SLC27A5: variants seen among roughly 807,000 people sequenced by gnomAD.
The protein encoded by SLC27A5 is long-chain fatty acid transport protein 5.
In SLC27A5, 47 loss-of-function variants were observed where a neutral mutation model predicts 63.1. The ratio of observed to expected loss-of-function variants is 0.74; its 90% CI spans 0.59 to 0.95. The LOEUF is 0.95. Ranked by LOEUF, SLC27A5 falls within the 40% of genes least tolerant of loss-of-function variation. The pLI is 0.00. For synonymous variants in SLC27A5, 391 were observed against 403.8 expected, an observed-to-expected ratio of 0.97 and a Z score of 0.38; for missense variants, 940 against 921.0, an observed-to-expected ratio of 1.02 and a Z score of -0.27.
chr19:58,504,800 T>A (rs981865069), intron 3 of SLC27A5, among the ~76,000 whole-genome samples: 29 of 152,014 alleles, frequency 1.9e-4, no homozygotes, highest in African/African-American at 6.8e-4. Flanking sequence ...GGTCAGGAGA[T>A]TGAGACCATC....
At chr19:58,510,993 T>G in intron 1 of SLC27A5, 63 bp from the exon 2 acceptor site, 50 of 1,364,738 alleles carry the variant, frequency 3.7e-5, no homozygotes, top group Non-Finnish European at 4.3e-5. Flanking sequence ...CGAGGCGGGA[T>G]CTGAGACCCA....
rs2053234714 is a variant in SLC27A5, at chr19:58,498,552, A to C, written c.2036T>G (p.Met679Arg). The change falls in exon 10 of 10, where the codon ATG (methionine) becomes AGG (arginine). Residue 679 changes from methionine (M) to arginine (R), a missense_variant. By Grantham distance (91) the Met-to-Arg change is moderately conservative. Transcript: ENST00000263093. ...GGTTCCCTCACACACAGCCTGGTAC[A>C]TTTCTGCCGTCAGGGGCCGGAAGGA... ...AQSFRPLTAE[M>R]YQAVCEGTWR... is the part of the protein sequence containing the mutation. 1.2e-6 allele frequency: 2 copies of C among 1,613,928 alleles called. No individual in the cohort carries two copies. The highest frequency in any genetic ancestry group is 1.7e-6 in the Non-Finnish European group (2 of 1,179,930).
In SLC27A5 at chr19:58,498,829, C is replaced by A. The variant is rs757763999; in HGVS notation, c.1852G>T (p.Ala618Ser). Reference protein sequence around the residue: ...DGEKLYQHVRAWLPAYATPHF... With the variant: ...DGEKLYQHVRSWLPAYATPHF... ...GGGGTAGCGTAGGCAGGGAGCCAAG[C>A]GCGAACGTGCTGGTACAACTTCTCC... Residue 618 changes from alanine (A) to serine (S), a missense_variant, in exon 9 of 10, where the codon GCT becomes TCT. Physicochemically the swap from Ala to Ser is moderately conservative, Grantham distance 99. Coordinates refer to ENST00000263093, the MANE Select transcript of SLC27A5 (RefSeq NM_012254.3). 1.9e-6 allele frequency: 3 copies of A among 1,614,002 alleles called. No homozygotes were observed. The highest frequency in any genetic ancestry group is 1.1e-5 in the South Asian group (1 of 91,072).
chr19:58,498,812 G>A lies in SLC27A5; in HGVS notation c.1869C>T (p.Tyr623=). 1.9e-6 allele frequency: 3 copies of A among 1,614,042 alleles called. No individual in the cohort carries two copies. The highest frequency in any genetic ancestry group is 1.6e-4 in the Middle Eastern group (1 of 6,062). ...YQHVRAWLPA[Y]ATPHFIRIQD... ...GGATGCGGATGAAATGGGGGGTAGCGTAGGCAGGGAGCCAAGCGCGAACGT... is the reference window on the plus strand; with the variant it reads ...GGATGCGGATGAAATGGGGGGTAGCATAGGCAGGGAGCCAAGCGCGAACGT... The change falls in exon 9 of 10, where the codon TAC becomes TAT. Residue 623 remains tyrosine, a synonymous_variant. Coordinates refer to ENST00000263093, the MANE Select transcript of SLC27A5 (RefSeq NM_012254.3).
At chr19:58,507,091 G>A (rs1279153175) in intron 3 of SLC27A5, among the ~76,000 whole-genome samples, 1 of 151,464 alleles carries the variant, frequency 6.6e-6, no homozygotes. Flanking sequence ...GGGCGCGGTG[G>A]CTCATGCCTG....
In SLC27A5 at chr19:58,509,939, G is replaced by A. The variant is rs774313859; in HGVS notation, c.965C>T (p.Ser322Phe). 16 of 1,614,002 alleles carry A rather than the reference G, an allele frequency of 9.9e-6. No individual in the cohort carries two copies. Among genetic ancestry groups the A allele is most frequent in the African/African-American group, 1.3e-5 (1 of 74,930 alleles). The change falls in exon 3 of 10, where the codon TCT (serine) becomes TTT (phenylalanine). Residue 322 changes from serine (S) to phenylalanine (F), a missense_variant. Physicochemically the swap from Ser to Phe is radical, Grantham distance 155. Transcript: ENST00000263093. ...AACCACATCATCAGCTGTGGCCCCA[G>A]ATAAGGACAGCATCTTGCTCATCTG... Reference protein sequence around the residue: ...VLQMSKMLSLSGATADDVVYT... With the variant: ...VLQMSKMLSLFGATADDVVYT...
Position 58,511,575 on chromosome 19 carries a change from C to G in SLC27A5, c.381G>C (p.Gln127His). 8.9e-6 allele frequency: 14 copies of G among 1,567,012 alleles called. No individual in the cohort carries two copies. Among genetic ancestry groups the G allele is most frequent in the Non-Finnish European group, 1.1e-5 (13 of 1,152,540 alleles). The stretch of plus-strand genomic sequence containing the variant: ...TCCACACCAAGAGTGCCCTGCCAGG[C>G]TGCGCTCGTGCTCGCCGCTCGAAGG... The part of the protein sequence containing the change: ...VDAFERRARA[Q>H]PGRALLVWTG... Residue 127 changes from glutamine to histidine, a missense_variant, in exon 1 of 10, where the codon CAG (glutamine) becomes CAC (histidine). Coordinates refer to ENST00000263093, the MANE Select transcript of SLC27A5 (RefSeq NM_012254.3).
intron 1 of SLC27A5, 168 bp downstream of exon 1, chr19:58,511,100 T>A: frequency 1.1e-6 from 1 of 938,204 alleles, no homozygotes; most frequent in Non-Finnish European, 1.5e-6. Context: ...GTGGGAAAAT[T>A]AAACTCTGAT....
At chr19:58,503,481 G>A (rs2053307433) in intron 3 of SLC27A5, among the ~76,000 whole-genome samples, 1 of 151,760 alleles carries the variant, frequency 6.6e-6, no homozygotes, top group Non-Finnish European at 1.5e-5. Context: ...AGCCAACATG[G>A]TGAAACCCTA....
chr19:58,499,056 T>C, intron 8 of SLC27A5, 67 bp downstream of exon 8: 1 of 1,605,958 alleles, frequency 6.2e-7, no homozygotes, highest in South Asian at 1.1e-5. Context: ...TCCCCACCTG[T>C]AAAATCAGAA....
At chr19:58,499,348 C>G in intron 7 of SLC27A5, 128 bp from the exon 8 acceptor site, 1 of 1,330,262 alleles carries the variant, frequency 7.5e-7, no homozygotes, top group Non-Finnish European at 1.0e-6. Context: ...AATCGAGAAG[C>G]CCCGCCTTCG....
intron 8 of SLC27A5, 88 bp downstream of exon 8, chr19:58,499,035 G>T (rs999768492): frequency 6.3e-7 from 1 of 1,598,760 alleles, no homozygotes. Context: ...ACCTCTCTGG[G>T]CCCTAGCACT....
rs2053403429 is a variant in SLC27A5 at position 58,510,916 on chromosome 19, G to A, written c.703C>T (p.Leu235=). ...LVVDPDLRES[L]EEILPKLQAE... ...TGCAGCTTGGGAAGGATCTCCTCCA[G>A]GCTCTCCCGGAGGTCTGCAGAGATG... Residue 235 remains leucine, a synonymous_variant, in exon 2 of 10, where the codon CTG becomes TTG. Transcript: ENST00000263093. 1 of 1,606,252 alleles carries A rather than the reference G, an allele frequency of 6.2e-7. No individual in the cohort carries two copies. The highest frequency in any genetic ancestry group is 2.2e-5 in the East Asian group (1 of 44,708).
At chr19:58,505,306 C>T (rs911213891) in intron 3 of SLC27A5, among the ~76,000 whole-genome samples, 65 of 151,738 alleles carry the variant, frequency 4.3e-4, no homozygotes, top group Non-Finnish European at 7.7e-4. Flanking sequence ...ACCATGTTGG[C>T]CAGGCTGGTC....
rs1266464948 is a variant in SLC27A5, at chr19:58,500,636, G to A, written c.1253C>T (p.Thr418Ile). 6.2e-7 allele frequency: 1 copy of A among 1,614,104 alleles called. No homozygotes were observed. Among genetic ancestry groups the A allele is most frequent in the Admixed American group, 1.7e-5 (1 of 59,980 alleles). Residue 418 changes from threonine (T) to isoleucine (I), a missense_variant, in exon 5 of 10, where the codon ACC becomes ATC. Thr to Ile is a moderately conservative substitution (Grantham distance 89, BLOSUM62 -1). Coordinates refer to ENST00000263093, the MANE Select transcript of SLC27A5 (RefSeq NM_012254.3). ...GNGLRADVWE[T>I]FQQRFGPIRI... is the part of the protein sequence containing the mutation. ...AATAGGACCGAAGCGCTGCTGGAAG[G>A]TCTCCCACACATCAGCCCGTAGTCC...
intron 3 of SLC27A5, among the ~76,000 whole-genome samples, chr19:58,502,934 A>T (rs373890934): frequency 7.0e-4 from 106 of 151,196 alleles, no homozygotes; most frequent in Middle Eastern, 6.9e-3. Context: ...TGGCTGGGTG[A>T]GGATCGTCAC....
intron 3 of SLC27A5, among the ~76,000 whole-genome samples, chr19:58,501,979 C>G (rs559110522): frequency 6.6e-6 from 1 of 152,250 alleles, no homozygotes; most frequent in Non-Finnish European, 1.5e-5. Flanking sequence ...TGCCCAGCCA[C>G]ATTTTTAATT....
intron 3 of SLC27A5, 45 bp from the exon 4 acceptor site, chr19:58,501,455 T>A (rs748372841): frequency 6.3e-7 from 1 of 1,594,898 alleles, no homozygotes; most frequent in Admixed American, 1.7e-5. Flanking sequence ...GCTTCCAAAT[T>A]GTTGTAAGAA....
In SLC27A5 at chr19:58,498,511, G is replaced by C. The variant is rs749984161; in HGVS notation, c.*4C>G. The stretch of plus-strand genomic sequence containing the variant: ...ATCCCTACCCCAGTGGGTTGGCCAG[G>C]TGATCAGAGCCTCCAGGTTCCCTCA... On this transcript the variant is annotated 3_prime_UTR_variant, in exon 10 of 10. Coordinates refer to ENST00000263093, the MANE Select transcript of SLC27A5 (RefSeq NM_012254.3). The C allele has an allele frequency of 3.1e-6, 5 of 1,607,010 alleles. No homozygotes were observed. In the African/African-American group the frequency reaches 6.7e-5, roughly 21 times the overall value.
Sources: gnomAD v4.1 joint callset for allele counts (sites outside exome capture counted in the v4.1 genomes callset) on GRCh38, gnomAD v4.1.1 for gene constraint, MANE v1.5 for transcripts, NCBI Gene and HGNC (gene_info 2026-07-23, HGNC 2026-07-21) for gene names.